TMEM170B: variants seen among roughly 807,000 people sequenced by gnomAD.
The protein encoded by TMEM170B is transmembrane protein 170B.
In TMEM170B, 6 loss-of-function variants were observed where a neutral mutation model predicts 13.0. The ratio of observed to expected loss-of-function variants is 0.46; its 90% CI spans 0.25 to 0.91. TMEM170B has a LOEUF of 0.91. Among genes scored for constraint, TMEM170B ranks in the 40% least tolerant of loss-of-function variants. The probability of loss-of-function intolerance (pLI) is 0.17; values close to 1 mark genes in which losing one functional copy is unlikely to be tolerated. For synonymous variants in TMEM170B, 61 were observed against 64.9 expected (o/e 0.94, Z 0.29); for missense variants, 138 against 165.2 (o/e 0.84, Z 0.90).
At chr6:11,562,550 A>T (rs866599069) in intron 1 of TMEM170B, among the ~76,000 whole-genome samples, 3 of 151,926 alleles carry the variant, frequency 2.0e-5, no homozygotes, top group African/African-American at 4.8e-5. Flanking sequence ...AGCTGATTTT[A>T]AAAAAATCTT....
Position 11,575,534 on chromosome 6 carries a change from C to T in TMEM170B, c.372C>T (p.Ser124=), listed in dbSNP as rs1486438393. The T allele has an allele frequency of 2.5e-6, 4 of 1,613,250 alleles. No individual in the cohort carries two copies. The highest frequency in any genetic ancestry group is 1.3e-5 in the African/African-American group (1 of 74,966). ...AGACTGTACTGACATTAATCATCTC[C>T]TTTTCAAGGATCCTCGCTACACTTT... is the stretch of plus-strand genomic sequence containing the variant. The part of the protein sequence containing the change: ...VGQTVLTLII[S]FSRILATL The change falls in exon 3 of 3, where the codon TCC becomes TCT. Residue 124 remains serine (S), a synonymous_variant. Transcript: ENST00000379426. This position sits in a 1 kb window ranked among gnomAD's most constrained non-coding sequence, Gnocchi z 4.1.
At chr6:11,572,789 C>T (rs1252145484) in intron 2 of TMEM170B, among the ~76,000 whole-genome samples, 1 of 152,092 alleles carries the variant, frequency 6.6e-6, no homozygotes, top group Admixed American at 6.6e-5. Context: ...TACATATTTA[C>T]ATACATACCG....
chr6:11,546,660 C>T (rs144908865), intron 1 of TMEM170B, among the ~76,000 whole-genome samples: 1,591 of 152,256 alleles, frequency 0.01, 10 homozygotes, highest in Middle Eastern at 0.02. Flanking sequence ...AAATACTTCC[C>T]ATTGTGTTAC....
intron 1 of TMEM170B, among the ~76,000 whole-genome samples, chr6:11,539,405 GTGT>G (rs1759329596): frequency 6.6e-6 from 1 of 152,182 alleles, no homozygotes; most frequent in Non-Finnish European, 1.5e-5. Flanking sequence ...ACTGGTTAAA[GTGT>G]TGTGAGTATT....
rs374080086 is a variant in TMEM170B at position 11,562,743 on chromosome 6, T to C, written c.98-2923T>C. Reference sequence around the variant, plus strand: ...ACATTGATGCAATCCACCAACCTTATCCAGATTTTGCTAGTATTTCTTCTA... The same window carrying C: ...ACATTGATGCAATCCACCAACCTTACCCAGATTTTGCTAGTATTTCTTCTA... On this transcript the variant is annotated intron_variant, in intron 1 of 2. Transcript: ENST00000379426. 1.5e-4 allele frequency among the ~76,000 whole-genome samples: 23 copies of C among 152,204 alleles called. 1 individual carries two copies. The highest frequency in any genetic ancestry group is 5.5e-4 in the African/African-American group (23 of 41,510).
intron 2 of TMEM170B, among the ~76,000 whole-genome samples, chr6:11,574,246 T>A (rs754706140): frequency 6.6e-6 from 1 of 152,198 alleles, no homozygotes; most frequent in Non-Finnish European, 1.5e-5. Flanking sequence ...AAATACATAG[T>A]ATATGGTAAG....
rs976643355 is a variant in TMEM170B at position 11,583,234 on chromosome 6, A to G, written c.*7673A>G. ...TATAGAAAGTAGGTCTACAAAGATA[A>G]GATCTAGGTTCCAATTCATTGCTTT... On this transcript the variant is annotated 3_prime_UTR_variant, in exon 3 of 3. Coordinates refer to ENST00000379426, the MANE Select transcript of TMEM170B (RefSeq NM_001100829.3). 2 of 152,226 alleles carry G rather than the reference A, an allele frequency of 1.3e-5. No homozygotes were observed. Among genetic ancestry groups the G allele is most frequent in the Non-Finnish European group, 2.9e-5 (2 of 68,042 alleles). 9.4% of individuals were successfully genotyped at this position (152,226 alleles called of 1,614,324 possible).
At chr6:11,571,266 C>T (rs943408609) in intron 2 of TMEM170B, among the ~76,000 whole-genome samples, 2 of 151,644 alleles carry the variant, frequency 1.3e-5, no homozygotes, top group African/African-American at 4.9e-5. Context: ...CCTTACTGTA[C>T]CCTTGAACTT....
At chr6:11,550,397 T>C (rs940908796) in intron 1 of TMEM170B, among the ~76,000 whole-genome samples, 1 of 151,986 alleles carries the variant, frequency 6.6e-6, no homozygotes, top group African/African-American at 2.4e-5. Context: ...GGTCTCGAAC[T>C]CCTGACCTCA....
At chr6:11,552,807 T>G (rs1300163007) in intron 1 of TMEM170B, among the ~76,000 whole-genome samples, 1 of 152,210 alleles carries the variant, frequency 6.6e-6, no homozygotes. Context: ...AGGCAGTCTG[T>G]GCACAGTCTC....
intron 2 of TMEM170B, among the ~76,000 whole-genome samples, chr6:11,571,624 T>C (rs1759802775): frequency 1.3e-5 from 2 of 152,182 alleles, no homozygotes; most frequent in Non-Finnish European, 2.9e-5. Context: ...ATCCCACTTC[T>C]CTGCATGCCT....
At position 11,575,306 on chromosome 6, in the gene TMEM170B, G is replaced by A; in HGVS notation, c.269-125G>A. 3.0e-6 allele frequency: 4 copies of A among 1,319,670 alleles called. No individual in the cohort carries two copies. The highest frequency in any genetic ancestry group is 4.2e-6 in the Non-Finnish European group (4 of 961,742). 81.7% of individuals were successfully genotyped at this position (1,319,670 alleles called of 1,614,324 possible). A position where few individuals can be genotyped will look rare whatever the true frequency, so the allele number is the denominator to read the frequency against. Reference sequence around the variant, plus strand: ...CAGGGAAACTTTTTCATAGAAAGTGGATAAAATGAGAAAAAAATGATGACT... The same window carrying A: ...CAGGGAAACTTTTTCATAGAAAGTGAATAAAATGAGAAAAAAATGATGACT... On this transcript the variant is annotated intron_variant, in intron 2 of 2. Coordinates refer to ENST00000379426, the MANE Select transcript of TMEM170B (RefSeq NM_001100829.3). This position sits in a 1 kb window ranked among gnomAD's most constrained non-coding sequence, Gnocchi z 4.1.
chr6:11,539,285 G>C (rs567736784), intron 1 of TMEM170B, among the ~76,000 whole-genome samples: 7 of 152,240 alleles, frequency 4.6e-5, no homozygotes, highest in African/African-American at 1.7e-4. Context: ...CTCAGTGCCT[G>C]CTTTTCAGAG....
intron 2 of TMEM170B, among the ~76,000 whole-genome samples, chr6:11,571,838 C>G (rs1280325154): frequency 2.0e-5 from 3 of 151,954 alleles, no homozygotes; most frequent in Non-Finnish European, 2.9e-5. Flanking sequence ...CCCTGTGACT[C>G]AAGTTATAAA....
At chr6:11,552,693 G>A (rs1484215400) in intron 1 of TMEM170B, among the ~76,000 whole-genome samples, 1 of 152,102 alleles carries the variant, frequency 6.6e-6, no homozygotes, top group African/African-American at 2.4e-5. Flanking sequence ...ATGCTCAGTG[G>A]GTAAACATGG....
At chr6:11,556,418 GC>G (rs1404102016) in intron 1 of TMEM170B, among the ~76,000 whole-genome samples, 1 of 152,120 alleles carries the variant, frequency 6.6e-6, no homozygotes, top group Non-Finnish European at 1.5e-5. Context: ...GTAGCTTTTA[GC>G]CATTTCTTCA....
chr6:11,559,370 T>A (rs1044678322), intron 1 of TMEM170B, among the ~76,000 whole-genome samples: 10 of 152,010 alleles, frequency 6.6e-5, no homozygotes, highest in Non-Finnish European at 1.5e-4. Flanking sequence ...GCTAATTTTT[T>A]AATTTTTTGT....
rs1384922372 is a variant in TMEM170B, at chr6:11,577,063, G to A, written c.*1502G>A. The A allele has an allele frequency of 6.6e-6, 1 of 152,076 alleles. No individual in the cohort carries two copies. The highest frequency in any genetic ancestry group is 1.9e-4 in the East Asian group (1 of 5,200). 9.4% of individuals were successfully genotyped at this position (152,076 alleles called of 1,614,324 possible). ...AGGATAATCCAAAAATAACCTGGTA[G>A]CCTTGCTGTTTAATCCAATTTGCTA... On this transcript the variant is annotated 3_prime_UTR_variant, in exon 3 of 3. Coordinates refer to ENST00000379426, the MANE Select transcript of TMEM170B (RefSeq NM_001100829.3).
intron 1 of TMEM170B, among the ~76,000 whole-genome samples, chr6:11,540,621 A>C (rs1476777324): frequency 6.6e-6 from 1 of 152,174 alleles, no homozygotes; most frequent in African/African-American, 2.4e-5. Context: ...TGAGGAATGG[A>C]GTCAATTGCT....
Sources: allele counts gnomAD v4.1 joint callset (sites outside exome capture counted in the v4.1 genomes callset), GRCh38; gene constraint gnomAD v4.1.1; non-coding constraint Gnocchi (gnomAD v3.1); transcripts MANE v1.5; gene names NCBI Gene and HGNC (gene_info 2026-07-23, HGNC 2026-07-21).